CEP128: variants seen among roughly 807,000 people sequenced by gnomAD.
CEP128 encodes the protein centrosomal protein 128kDa.
CEP128 carries 132 observed loss-of-function variants against 156.7 expected under a neutral mutation model. The observed-to-expected ratio is 0.84, with a 90% CI of 0.73 to 0.97. CEP128 has a LOEUF of 0.97. Among genes scored for constraint, CEP128 ranks in the 50% least tolerant of loss-of-function variants. The pLI is 0.00. For missense variants in CEP128, 1,252 were observed against 1,281.9 expected (o/e 0.98, Z 0.36); for synonymous variants, 469 against 448.9 (o/e 1.04, Z -0.57).
chr14:80,628,517 T>A (rs905238559), intron 19 of CEP128, among the ~76,000 whole-genome samples: 9 of 152,302 alleles, frequency 5.9e-5, no homozygotes, highest in Middle Eastern at 3.4e-3. Context: ...ACATAATACA[T>A]AGCTAGAATG....
chr14:80,893,299 G>A (rs543881502), intron 8 of CEP128, among the ~76,000 whole-genome samples: 1 of 151,970 alleles, frequency 6.6e-6, no homozygotes, highest in Admixed American at 6.6e-5. Context: ...TACAGAGAGA[G>A]AGAACAAAAC....
intron 1 of CEP128, among the ~76,000 whole-genome samples, chr14:80,941,361 C>A (rs1488854583): frequency 6.6e-6 from 1 of 152,084 alleles, no homozygotes; most frequent in Non-Finnish European, 1.5e-5. Context: ...CTGGCCAGGA[C>A]CTGACCGCGG....
intron 16 of CEP128, among the ~76,000 whole-genome samples, chr14:80,772,497 G>A (rs1900565468): frequency 6.6e-6 from 1 of 152,138 alleles, no homozygotes; most frequent in Non-Finnish European, 1.5e-5. Context: ...CATCCTTCAA[G>A]TCCATGCGTG....
At chr14:80,665,214 G>C (rs1438951585) in intron 19 of CEP128, among the ~76,000 whole-genome samples, 1 of 152,108 alleles carries the variant, frequency 6.6e-6, no homozygotes, top group Non-Finnish European at 1.5e-5. Flanking sequence ...GGGCCAGTGG[G>C]GTATGTGAAA....
intron 19 of CEP128, among the ~76,000 whole-genome samples, chr14:80,682,684 C>T (rs1896369776): frequency 6.6e-6 from 1 of 152,112 alleles, no homozygotes; most frequent in African/African-American, 2.4e-5. Flanking sequence ...GTCTTAAAGG[C>T]AGCTAGAGCA....
At chr14:80,506,817 T>C (rs535785583) in intron 23 of CEP128, among the ~76,000 whole-genome samples, 1 of 152,242 alleles carries the variant, frequency 6.6e-6, no homozygotes, top group African/African-American at 2.4e-5. Flanking sequence ...TGGTTCAAGA[T>C]CATTAGCTTT....
chr14:80,667,718 T>C (rs1895677623), intron 19 of CEP128, among the ~76,000 whole-genome samples: 2 of 151,186 alleles, frequency 1.3e-5, no homozygotes, highest in South Asian at 4.2e-4. Context: ...ATTAGCTGGG[T>C]GTGGTGGTGG....
At chr14:80,604,834 G>A (rs1892717132) in intron 19 of CEP128, among the ~76,000 whole-genome samples, 1 of 151,998 alleles carries the variant, frequency 6.6e-6, no homozygotes, top group Non-Finnish European at 1.5e-5. Flanking sequence ...TGAAAGGTTA[G>A]GACTTCTGTT....
At chr14:80,738,891 T>C (rs1898669814) in intron 19 of CEP128, among the ~76,000 whole-genome samples, 1 of 152,218 alleles carries the variant, frequency 6.6e-6, no homozygotes, top group South Asian at 2.1e-4. Flanking sequence ...GCCATGTATA[T>C]GGCCAGAATA....
In CEP128 at chr14:80,647,064, T is replaced by TGC. The variant is rs1566831619; in HGVS notation, c.2807-66642_2807-66641insGC. Among the ~76,000 whole-genome samples the TGC allele has an allele frequency of 5.6e-3, 149 of 26,426 alleles. 11 individuals carry two copies. The highest frequency in any genetic ancestry group is 0.01 in the African/African-American group (141 of 13,920). The allele number at this position is 26,426 out of a possible 152,430, so 17.3% of individuals were successfully genotyped here. A position where few individuals can be genotyped will look rare whatever the true frequency, so the allele number is the denominator to read the frequency against. ...ATATATATATATATATATATATATA[T>TGC]ATATATATATATATATATATATACA... is the stretch of plus-strand genomic sequence containing the variant. On this transcript the variant is annotated intron_variant, in intron 19 of 24. Coordinates refer to ENST00000555265, the MANE Select transcript of CEP128 (RefSeq NM_152446.5).
chr14:80,725,029 T>C lies in CEP128; in HGVS notation c.2806+18046A>G, dbSNP rs186839915. Among the ~76,000 whole-genome samples, 52 of 147,654 alleles carry C rather than the reference T, an allele frequency of 3.5e-4. 1 individual carries two copies. Among genetic ancestry groups the C allele is most frequent in the African/African-American group, 1.3e-3 (51 of 40,650 alleles). On this transcript the variant is annotated intron_variant, in intron 19 of 24. Transcript: ENST00000555265. The stretch of plus-strand genomic sequence containing the variant: ...TATATATACATATATGATATATATA[T>C]ATATATATGTCAGTGTTTGAAAAGA...
In CEP128 at chr14:80,892,264, T is replaced by C. The variant is rs79986696; in HGVS notation, c.645+3454A>G. 6.5e-3 allele frequency among the ~76,000 whole-genome samples: 993 copies of C among 151,986 alleles called. 10 individuals are homozygous for C. The highest frequency in any genetic ancestry group is 0.023 in the African/African-American group (935 of 41,514). ...ACCTAGAAACAAACCCAAACAGATATGGTCAACTAATTTTTGACAGGGGCA... is the reference window on the plus strand; with the variant it reads ...ACCTAGAAACAAACCCAAACAGATACGGTCAACTAATTTTTGACAGGGGCA... On this transcript the variant is annotated intron_variant, in intron 8 of 24. Transcript: ENST00000555265.
intron 19 of CEP128, among the ~76,000 whole-genome samples, chr14:80,633,159 C>G (rs1362795059): frequency 7.8e-6 from 1 of 127,888 alleles, no homozygotes; most frequent in African/African-American, 3.8e-5. Context: ...CCCAGAAGGT[C>G]AAGGTTGCCT....
At chr14:80,938,583 C>T (rs952761021) in intron 2 of CEP128, among the ~76,000 whole-genome samples, 2 of 151,994 alleles carry the variant, frequency 1.3e-5, no homozygotes, top group African/African-American at 2.4e-5. Flanking sequence ...AGTGTGTCTC[C>T]CCTCTATGTT....
At chr14:80,834,100 A>C (rs898778498) in intron 12 of CEP128, among the ~76,000 whole-genome samples, 2 of 152,210 alleles carry the variant, frequency 1.3e-5, no homozygotes, top group African/African-American at 4.8e-5. Context: ...TTTAGGAATT[A>C]TCACCTCTAG....
intron 10 of CEP128, among the ~76,000 whole-genome samples, chr14:80,839,776 A>C (rs1013172185): frequency 3.3e-5 from 5 of 152,138 alleles, no homozygotes; most frequent in African/African-American, 1.2e-4. Context: ...CATAAAACAA[A>C]TGTCATATTA....
chr14:80,546,844 T>A (rs1890006771), intron 21 of CEP128, among the ~76,000 whole-genome samples: 1 of 152,212 alleles, frequency 6.6e-6, no homozygotes, highest in Admixed American at 6.5e-5. Flanking sequence ...TTTGACAGTT[T>A]GGCCTTTTAC....
chr14:80,636,507 T>G (rs759324704), intron 19 of CEP128, among the ~76,000 whole-genome samples: 2 of 152,180 alleles, frequency 1.3e-5, no homozygotes, highest in Non-Finnish European at 2.9e-5. Flanking sequence ...CACATGTTAT[T>G]CTCCCCCTAA....
chr14:80,684,913 A>C (rs1896467440), intron 19 of CEP128, among the ~76,000 whole-genome samples: 1 of 152,112 alleles, frequency 6.6e-6, no homozygotes, highest in South Asian at 2.1e-4. Context: ...ATGATAAAAA[A>C]CCCTCAACAA....
Sources: gnomAD v4.1 joint callset for allele counts (sites outside exome capture counted in the v4.1 genomes callset) on GRCh38, gnomAD v4.1.1 for gene constraint, MANE v1.5 for transcripts, NCBI Gene and HGNC (gene_info 2026-07-23, HGNC 2026-07-21) for gene names.